Variants in ZNF676 observed in about 807,000 individuals in gnomAD.
ZNF676 encodes zinc finger protein 676.
A neutral mutation model predicts 6.0 loss-of-function variants in ZNF676; 4 were observed. The ratio of observed to expected loss-of-function variants is 0.67; its 90% confidence interval spans 0.33 to 1.53. The LOEUF is 1.53. Among genes scored for constraint, ZNF676 ranks in the 40% most tolerant of loss-of-function variants. The probability of loss-of-function intolerance (pLI) is 0.06; values close to 1 mark genes in which losing one functional copy is unlikely to be tolerated. For missense variants in ZNF676, 644 were observed against 679.7 expected, an observed-to-expected ratio of 0.95 and a Z score of 0.58; for synonymous variants, 198 against 223.1, an observed-to-expected ratio of 0.89 and a Z score of 1.00.
intron 1 of ZNF676, among the ~76,000 whole-genome samples, chr19:22,195,327 C>T (rs908413598): frequency 3.9e-5 from 6 of 152,154 alleles, no homozygotes; most frequent in Admixed American, 6.5e-5. Flanking sequence ...GATTAGCCCC[C>T]GTCTTGGCAC....
At chr19:22,199,306 C>T (rs908859201), upstream of ZNF676, among the ~76,000 whole-genome samples, 7 of 152,324 alleles carry the variant, frequency 4.6e-5, no homozygotes, top group African/African-American at 1.7e-4. Context: ...AACACAGATA[C>T]TTCTGGTACA....
At chr19:22,206,945 T>A (rs1261186178) in intron 1 of ZNF676, among the ~76,000 whole-genome samples, 1 of 152,114 alleles carries the variant, frequency 6.6e-6, no homozygotes, top group African/African-American at 2.4e-5. Context: ...GGTATACATG[T>A]CAAAATAGTA....
the ZNF676 span, among the ~76,000 whole-genome samples, chr19:22,251,061 C>A: frequency 1.3e-5 from 2 of 152,052 alleles, no homozygotes; most frequent in Non-Finnish European, 2.9e-5. Context: ...GTCTTGGGAC[C>A]CCAAGAAGAG....
At chr19:22,252,368 C>T in the ZNF676 span, among the ~76,000 whole-genome samples, 1 of 138,486 alleles carries the variant, frequency 7.2e-6, no homozygotes, top group Non-Finnish European at 1.5e-5. Context: ...GCATTCCAGC[C>T]TGGGCAACAG....
chr19:22,220,393 C>A (rs1031470841), upstream of ZNF676, among the ~76,000 whole-genome samples: 11 of 151,644 alleles, frequency 7.3e-5, no homozygotes, highest in African/African-American at 2.7e-4. Flanking sequence ...AGGACTGGTA[C>A]CAATTCTTTG....
chr19:22,226,055 A>G, the ZNF676 span, among the ~76,000 whole-genome samples: 2 of 151,994 alleles, frequency 1.3e-5, 1 homozygote, highest in South Asian at 4.1e-4. Flanking sequence ...TAAGACACTT[A>G]TTAGCTATTT....
intron 1 of ZNF676, among the ~76,000 whole-genome samples, chr19:22,206,963 T>C (rs959033850): frequency 8.5e-5 from 13 of 152,178 alleles, no homozygotes; most frequent in Non-Finnish European, 1.6e-4. Flanking sequence ...GTAAGTTATC[T>C]ATGACAAATC....
the ZNF676 span, among the ~76,000 whole-genome samples, chr19:22,255,172 C>T: frequency 3.3e-5 from 5 of 152,200 alleles, no homozygotes; most frequent in African/African-American, 1.2e-4. Flanking sequence ...GAATCTTGGT[C>T]TGAGAGTCAC....
chr19:22,253,484 G>A, the ZNF676 span, among the ~76,000 whole-genome samples: 1 of 125,160 alleles, frequency 8.0e-6, no homozygotes, highest in East Asian at 2.5e-4. Flanking sequence ...ATGATAATTT[G>A]CATATATATA....
chr19:22,216,850 G>T (rs534254957), upstream of ZNF676, among the ~76,000 whole-genome samples: 60 of 150,982 alleles, frequency 4.0e-4, no homozygotes, highest in South Asian at 0.012. Flanking sequence ...TAGGAGGATT[G>T]CCTGAGCCCA....
upstream of ZNF676, chr19:22,215,797 T>TCC (rs58901355): frequency 2.7e-3 from 1,503 of 548,904 alleles, 4 homozygotes; most frequent in Admixed American, 3.4e-3. Flanking sequence ...AGCCGACCTG[T>TCC]CCCCCCCCCC....
chr19:22,194,704 AT>A (rs764984186), intron 1 of ZNF676, among the ~76,000 whole-genome samples: 1 of 151,956 alleles, frequency 6.6e-6, no homozygotes, highest in Admixed American at 6.6e-5. Flanking sequence ...GCCGCTCAAA[AT>A]TTCATCATAA....
At chr19:22,227,098 C>T in the ZNF676 span, among the ~76,000 whole-genome samples, 4 of 152,044 alleles carry the variant, frequency 2.6e-5, no homozygotes, top group Admixed American at 2.0e-4. Flanking sequence ...TAAAATTGAC[C>T]ACATAATTGG....
chr19:22,219,040 T>A (rs2024222966), upstream of ZNF676, among the ~76,000 whole-genome samples: 1 of 150,866 alleles, frequency 6.6e-6, no homozygotes, highest in Non-Finnish European at 1.5e-5. Flanking sequence ...AGGATTTTTT[T>A]TTTTTTGGTA....
intron 1 of ZNF676, among the ~76,000 whole-genome samples, chr19:22,210,685 A>G (rs868836628): frequency 2.0e-4 from 30 of 152,306 alleles, no homozygotes; most frequent in Middle Eastern, 3.4e-3. Context: ...TTTCTTACCT[A>G]CTACACAGCC....
At chr19:22,251,226 T>C in the ZNF676 span, among the ~76,000 whole-genome samples, 1 of 152,278 alleles carries the variant, frequency 6.6e-6, no homozygotes, top group South Asian at 2.1e-4. Flanking sequence ...TGCTGCACTT[T>C]ATACAAATAA....
intron 1 of ZNF676, among the ~76,000 whole-genome samples, chr19:22,212,212 AAAG>A (rs1179855524): frequency 2.3e-4 from 30 of 132,644 alleles, no homozygotes; most frequent in Admixed American, 7.1e-4. Context: ...AAAAAAAAAA[AAAG>A]AAAAGAAAAG....
intron 1 of ZNF676, among the ~76,000 whole-genome samples, chr19:22,207,558 C>A (rs1218503869): frequency 6.6e-6 from 1 of 152,042 alleles, no homozygotes; most frequent in Non-Finnish European, 1.5e-5. Context: ...TCAATCAAAC[C>A]ACCAAAATAT....
the ZNF676 span, among the ~76,000 whole-genome samples, chr19:22,226,506 A>AT: frequency 2.0e-5 from 3 of 151,902 alleles, no homozygotes; most frequent in Admixed American, 6.6e-5. Flanking sequence ...AAAAAATTAA[A>AT]TTTTTTGACT....
Sources: allele counts gnomAD v4.1 joint callset (sites outside exome capture counted in the v4.1 genomes callset), GRCh38; gene constraint gnomAD v4.1.1; transcripts MANE v1.5; gene names NCBI Gene and HGNC (gene_info 2026-07-23, HGNC 2026-07-21).